NEO1: variants seen among roughly 807,000 people sequenced by gnomAD.
The protein encoded by NEO1 is neogenin.
A neutral mutation model predicts 159.7 loss-of-function variants in NEO1; 63 were observed. The observed-to-expected ratio is 0.39, with a 90% CI of 0.32 to 0.49. The LOEUF (loss-of-function observed/expected upper bound fraction) is 0.49, where lower values mean the gene tolerates loss of function less well. Among genes scored for constraint, NEO1 ranks in the 20% least tolerant of loss-of-function variants. The probability of loss-of-function intolerance (pLI) is 0.85; values close to 1 mark genes in which losing one functional copy is unlikely to be tolerated. For synonymous variants in NEO1, 633 were observed against 662.0 expected, an observed-to-expected ratio of 0.96 and a Z score of 0.67; for missense variants, 1,615 against 1,831.0, an observed-to-expected ratio of 0.88 and a Z score of 2.15.
rs1187524087 is a variant in NEO1 at position 73,126,276 on chromosome 15, C to G, written c.725-141C>G. The stretch of plus-strand genomic sequence containing the variant: ...GTAATGATGGGGTCTTGCTATATTG[C>G]CTACGCTGGTCTCAAACTCCTGGGC... On this transcript the variant is annotated intron_variant, in intron 3 of 28. Transcript: ENST00000261908. 12 of 635,362 alleles carry G rather than the reference C, an allele frequency of 1.9e-5. No homozygotes were observed. The East Asian group carries it at 3.3e-4, about 18-fold the overall frequency. 39.4% of individuals were successfully genotyped at this position (635,362 alleles called of 1,614,324 possible).
upstream of NEO1, chr15:73,052,418 C>CG (rs1455718284): frequency 1.2e-5 from 1 of 85,330 alleles, no homozygotes; most frequent in Non-Finnish European, 3.1e-5. Flanking sequence ...CACCGCCCCC[C>CG]CCCCCCCGCC....
Position 73,175,667 on chromosome 15 carries a change from A to G in NEO1, c.1016-736A>G, listed in dbSNP as rs1480667660. On this transcript the variant is annotated intron_variant, in intron 5 of 28. Coordinates refer to ENST00000261908, the MANE Select transcript of NEO1 (RefSeq NM_002499.4). Reference sequence around the variant, plus strand: ...GGAGTTCCTGTCATTCACACTTTTCAAATACAGATCGCTAAGACCCTTTGT... The same window carrying G: ...GGAGTTCCTGTCATTCACACTTTTCGAATACAGATCGCTAAGACCCTTTGT... Among the ~76,000 whole-genome samples, 2 of 152,328 alleles carry G rather than the reference A, an allele frequency of 1.3e-5. 1 individual carries two copies. The highest frequency in any genetic ancestry group is 4.1e-4 in the South Asian group (2 of 4,830).
At chr15:73,152,513 A>G (rs997764613) in intron 5 of NEO1, among the ~76,000 whole-genome samples, 1 of 152,156 alleles carries the variant, frequency 6.6e-6, no homozygotes, top group Non-Finnish European at 1.5e-5. Flanking sequence ...TCCTCATTGT[A>G]TCAATGTCCT....
chr15:73,173,713 T>C (rs1364721093), intron 5 of NEO1, among the ~76,000 whole-genome samples: 1 of 152,132 alleles, frequency 6.6e-6, no homozygotes. Flanking sequence ...AGGAAACAAA[T>C]ATTGGCAGCA....
rs562250080 is a variant in NEO1, at chr15:73,193,681, A to G, written c.1291+15254A>G. 3.0e-4 allele frequency among the ~76,000 whole-genome samples: 45 copies of G among 150,470 alleles called. 1 individual carries two copies. The highest frequency in any genetic ancestry group is 1.1e-3 in the African/African-American group (45 of 40,848). ...TTTTAGTAGTATCTGGTTGTGGACA[A>G]CATATTCCATGGTCACCCCAATTGT... On this transcript the variant is annotated intron_variant, in intron 7 of 28. Coordinates refer to ENST00000261908, the MANE Select transcript of NEO1 (RefSeq NM_002499.4).
chr15:73,302,537 T>C, intron 28 of NEO1, 76 bp from the exon 29 acceptor site: 2 of 1,359,602 alleles, frequency 1.5e-6, no homozygotes, highest in Non-Finnish European at 2.1e-6. Flanking sequence ...CACATGAGGC[T>C]TTGGCCTCTC....
At chr15:73,070,717 GAT>G (rs778037027) in intron 1 of NEO1, among the ~76,000 whole-genome samples, 9 of 147,238 alleles carry the variant, frequency 6.1e-5, no homozygotes, top group African/African-American at 2.1e-4. Flanking sequence ...GGTACAGTAA[GAT>G]ATTAATAATA....
intron 1 of NEO1, among the ~76,000 whole-genome samples, chr15:73,058,790 C>G (rs1460004343): frequency 1.3e-5 from 2 of 151,978 alleles, no homozygotes; most frequent in Non-Finnish European, 2.9e-5. Flanking sequence ...TTCAAAGGTC[C>G]CTTCTGCCTT....
rs373909767 is a variant in NEO1, at chr15:73,279,349, TG to T, written c.3262+1152del. Among the ~76,000 whole-genome samples, 86 of 119,594 alleles carry T rather than the reference TG, an allele frequency of 7.2e-4. 7 individuals carry two copies. The highest frequency in any genetic ancestry group is 2.3e-3 in the South Asian group (8 of 3,544). 78.5% of individuals were successfully genotyped at this position (119,594 alleles called of 152,430 possible). On this transcript the variant is annotated intron_variant, in intron 22 of 28. Transcript: ENST00000261908. ...GCATGTTTTTTTGTTGTTTTGGTTTTGGTTTTTTTTTTTTTTTGAGATGGAA... is the reference window on the plus strand; with the variant it reads ...GCATGTTTTTTTGTTGTTTTGGTTTTGTTTTTTTTTTTTTTTGAGATGGAA...
chr15:73,081,867 A>T (rs1249361492), intron 1 of NEO1, among the ~76,000 whole-genome samples: 4 of 131,706 alleles, frequency 3.0e-5, no homozygotes, highest in Non-Finnish European at 3.2e-5. Flanking sequence ...AAATACTAGT[A>T]TTTTTTTTTT....
chr15:73,239,481 T>C (rs1356099370), intron 8 of NEO1, among the ~76,000 whole-genome samples: 1 of 152,198 alleles, frequency 6.6e-6, no homozygotes, highest in Admixed American at 6.5e-5. Flanking sequence ...TATACAATCG[T>C]GCATCACATA....
At chr15:73,283,879 T>C (rs1164694452) in intron 23 of NEO1, among the ~76,000 whole-genome samples, 2 of 152,178 alleles carry the variant, frequency 1.3e-5, no homozygotes, top group Non-Finnish European at 2.9e-5. Flanking sequence ...TAAGAATATT[T>C]TTAAAGAATT....
rs1303253278 is a variant in NEO1, at chr15:73,221,254, C to T, written c.1292-15093C>T. On this transcript the variant is annotated intron_variant, in intron 7 of 28. Coordinates refer to ENST00000261908, the MANE Select transcript of NEO1 (RefSeq NM_002499.4). ...TGCAGAACAGCGGTTTTTCGTGAAC[C>T]ACGAATGCTGCTGTCTGATTGTTCC... Among the ~76,000 whole-genome samples the T allele has an allele frequency of 2.0e-5, 3 of 152,244 alleles. No individual in the cohort carries two copies. In the South Asian group the frequency reaches 6.2e-4, roughly 32 times the overall value.
intron 1 of NEO1, among the ~76,000 whole-genome samples, chr15:73,083,746 A>G (rs2069198266): frequency 6.6e-6 from 1 of 152,092 alleles, no homozygotes; most frequent in Non-Finnish European, 1.5e-5. Flanking sequence ...GTTCCTTATT[A>G]CTAGCTGTAT....
At chr15:73,220,747 G>A (rs577561354) in intron 7 of NEO1, among the ~76,000 whole-genome samples, 10 of 152,032 alleles carry the variant, frequency 6.6e-5, no homozygotes, top group South Asian at 6.2e-4. Flanking sequence ...CATTCTTCAC[G>A]TAGTTCTCGA....
chr15:73,231,280 A>G (rs1282367287), intron 7 of NEO1, among the ~76,000 whole-genome samples: 7 of 152,288 alleles, frequency 4.6e-5, no homozygotes, highest in African/African-American at 1.7e-4. Context: ...ACATGGAACA[A>G]CCTCCAGGAT....
intron 5 of NEO1, among the ~76,000 whole-genome samples, chr15:73,149,624 G>A (rs529669868): frequency 5.3e-5 from 8 of 152,136 alleles, no homozygotes; most frequent in African/African-American, 1.4e-4. Context: ...AAAAAGATAC[G>A]ATATTTTTAA....
chr15:73,092,259 A>G (rs1331144196), intron 1 of NEO1, among the ~76,000 whole-genome samples: 1 of 152,186 alleles, frequency 6.6e-6, no homozygotes, highest in East Asian at 1.9e-4. Context: ...TATCAATTTA[A>G]TAGAGGAACC....
At chr15:73,076,932 T>A (rs1025965855) in intron 1 of NEO1, among the ~76,000 whole-genome samples, 11 of 152,228 alleles carry the variant, frequency 7.2e-5, no homozygotes, top group Non-Finnish European at 2.9e-5. Context: ...TAAGGCACTT[T>A]CTGTGGAAGA....
Sources: gnomAD v4.1 joint callset for allele counts (sites outside exome capture counted in the v4.1 genomes callset) on GRCh38, gnomAD v4.1.1 for gene constraint, MANE v1.5 for transcripts, NCBI Gene and HGNC (gene_info 2026-07-23, HGNC 2026-07-21) for gene names.